The following IRAG1 variants were observed in gnomAD, a reference collection of about 807,000 sequenced individuals.
IRAG1 encodes the protein IP3R-associated cGMP kinase substrate.
Under a neutral mutation model 106.2 loss-of-function variants are expected in IRAG1, and 62 were observed. The ratio of observed to expected loss-of-function variants is 0.58; its 90% CI spans 0.48 to 0.72. IRAG1 has a LOEUF of 0.72. Ranked by LOEUF, IRAG1 falls within the 30% of genes least tolerant of loss-of-function variation. The probability of loss-of-function intolerance (pLI) is 0.00; values close to 1 mark genes in which losing one functional copy is unlikely to be tolerated. For missense variants in IRAG1, 1,064 were observed against 1,140.7 expected, an observed-to-expected ratio of 0.93 and a Z score of 0.97; for synonymous variants, 462 against 443.9, an observed-to-expected ratio of 1.04 and a Z score of -0.51.
At chr11:10,672,180 C>T in intron 1 of IRAG1, among the ~76,000 whole-genome samples, 1 of 152,190 alleles carries the variant, frequency 6.6e-6, no homozygotes, top group East Asian at 1.9e-4. Flanking sequence ...TCTTCCTATA[C>T]CATACACAAA....
At chr11:10,612,852 G>A (rs1056181838) in intron 10 of IRAG1, among the ~76,000 whole-genome samples, 1 of 152,100 alleles carries the variant, frequency 6.6e-6, no homozygotes, top group Non-Finnish European at 1.5e-5. Flanking sequence ...ATCATGCAAA[G>A]ATGGAAGATG....
At chr11:10,679,764 G>A (rs567807200) in intron 1 of IRAG1, among the ~76,000 whole-genome samples, 1 of 152,346 alleles carries the variant, frequency 6.6e-6, no homozygotes, top group South Asian at 2.1e-4. Flanking sequence ...AGATCTGGGT[G>A]ATGTTGTCAG....
intron 1 of IRAG1, 154 bp downstream of exon 1, chr11:10,693,382 T>C (rs1403024765): frequency 7.4e-7 from 1 of 1,355,180 alleles, no homozygotes; most frequent in African/African-American, 1.5e-5. Context: ...ACAATAAAGA[T>C]ACTCAGCTGA....
At chr11:10,601,120 AT>A in intron 14 of IRAG1, 61 bp from the exon 15 acceptor site, 1 of 1,602,254 alleles carries the variant, frequency 6.2e-7, no homozygotes, top group Non-Finnish European at 8.5e-7. Flanking sequence ...GTTGGCACTT[AT>A]TTGCTCTGAC....
Position 10,576,298 on chromosome 11 carries a change from C to T in IRAG1, c.*34G>A, listed in dbSNP as rs2134037183. ...GGGGAAAGGGTGGTAGTCTGAGTGT[C>T]TCAGAGCAGGGCACTGGCTAGGTGT... On this transcript the variant is annotated 3_prime_UTR_variant, in exon 21 of 21. Transcript: ENST00000423302. 1 of 1,611,142 alleles carries T rather than the reference C, an allele frequency of 6.2e-7. No homozygotes were observed. Among genetic ancestry groups the T allele is most frequent in the Non-Finnish European group, 8.5e-7 (1 of 1,178,706 alleles).
At chr11:10,629,441 C>A in intron 5 of IRAG1, 97 bp downstream of exon 5, 1 of 1,365,336 alleles carries the variant, frequency 7.3e-7, no homozygotes, top group Non-Finnish European at 9.9e-7. Context: ...AAGGCGACCT[C>A]CTCGGAGGTG....
chr11:10,663,293 C>T (rs999301957), intron 1 of IRAG1, among the ~76,000 whole-genome samples: 19 of 152,194 alleles, frequency 1.2e-4, no homozygotes, highest in African/African-American at 4.3e-4. Context: ...CATTCAGTTC[C>T]TCCTACTTCT....
intron 15 of IRAG1, chr11:10,599,658 G>A (rs949241884): frequency 6.6e-6 from 1 of 152,192 alleles, no homozygotes; most frequent in African/African-American, 2.4e-5. Context: ...CCCTTCTGCA[G>A]CTCTTGGTAA....
At chr11:10,692,243 A>G (rs1400032671) in intron 1 of IRAG1, among the ~76,000 whole-genome samples, 1 of 152,178 alleles carries the variant, frequency 6.6e-6, no homozygotes, top group Non-Finnish European at 1.5e-5. Flanking sequence ...CAGTACAAAC[A>G]TGATAATGAC....
chr11:10,671,316 A>C (rs1333096963), intron 1 of IRAG1, among the ~76,000 whole-genome samples: 1 of 152,272 alleles, frequency 6.6e-6, no homozygotes, highest in Non-Finnish European at 1.5e-5. Flanking sequence ...GATATAGTAC[A>C]ATCAATTATA....
chr11:10,587,959 G>C (rs563075123), intron 18 of IRAG1, among the ~76,000 whole-genome samples: 1 of 152,316 alleles, frequency 6.6e-6, no homozygotes, highest in East Asian at 1.9e-4. Context: ...CTATAAAACA[G>C]AGATATTAAT....
At chr11:10,625,842 C>T (rs1046998778) in intron 9 of IRAG1, 124 bp downstream of exon 9, 2 of 1,007,864 alleles carry the variant, frequency 2.0e-6, no homozygotes, top group South Asian at 5.1e-5. Context: ...AAAATTTACG[C>T]CCTCACAAGG....
intron 12 of IRAG1, among the ~76,000 whole-genome samples, chr11:10,606,465 C>T (rs544830306): frequency 1.3e-4 from 20 of 152,244 alleles, no homozygotes; most frequent in South Asian, 1.2e-3. Context: ...GTATCTAAGT[C>T]GTACATTTAA....
intron 9 of IRAG1, 47 bp from the exon 10 acceptor site, chr11:10,623,903 G>C: frequency 6.5e-7 from 1 of 1,548,616 alleles, no homozygotes; most frequent in Non-Finnish European, 8.9e-7. Context: ...ATGACACTGG[G>C]CTGGGCTGTT....
intron 10 of IRAG1, among the ~76,000 whole-genome samples, chr11:10,615,604 A>G (rs1300270045): frequency 1.3e-5 from 2 of 152,200 alleles, no homozygotes; most frequent in African/African-American, 2.4e-5. Flanking sequence ...ATGCACCCAT[A>G]AAAAAGGATG....
chr11:10,579,833 C>G (rs1851214762), intron 20 of IRAG1, among the ~76,000 whole-genome samples: 1 of 152,198 alleles, frequency 6.6e-6, no homozygotes, highest in African/African-American at 2.4e-5. Flanking sequence ...TCTTTATCTA[C>G]ATGTTATATT....
In IRAG1 at chr11:10,598,833, T is replaced by A. The variant is rs1853618666; in HGVS notation, c.2017+2085A>T. ...AATTTCATATTCAGAAAGAAACATG[T>A]TATTTTTAAAAAATGTATATCACCT... On this transcript the variant is annotated intron_variant, in intron 15 of 20. Transcript: ENST00000423302. 2.6e-5 allele frequency among the ~76,000 whole-genome samples: 4 copies of A among 152,246 alleles called. No individual in the cohort carries two copies. In the South Asian group the frequency reaches 8.3e-4, roughly 31 times the overall value.
At chr11:10,623,513 A>C (rs563261658) in intron 10 of IRAG1, among the ~76,000 whole-genome samples, 1 of 152,348 alleles carries the variant, frequency 6.6e-6, no homozygotes, top group African/African-American at 2.4e-5. Context: ...GGAAGTGTCA[A>C]AAGTTCAGGC....
intron 18 of IRAG1, 128 bp downstream of exon 18, chr11:10,591,420 A>G (rs1205168844): frequency 6.9e-6 from 6 of 874,760 alleles, no homozygotes; most frequent in Non-Finnish European, 1.1e-5. Flanking sequence ...TCAGACTCCC[A>G]TTCATTTCCC....
Sources: allele counts gnomAD v4.1 joint callset (sites outside exome capture counted in the v4.1 genomes callset), GRCh38; gene constraint gnomAD v4.1.1; transcripts MANE v1.5; gene names NCBI Gene and HGNC (gene_info 2026-07-23, HGNC 2026-07-21).